NR2C2: variants seen among roughly 807,000 people sequenced by gnomAD.
NR2C2 encodes nuclear receptor subfamily 2 group C member 2.
A neutral mutation model predicts 62.9 loss-of-function variants in NR2C2; 6 were observed. That is an observed-to-expected ratio of 0.10 (90% confidence interval 0.05 to 0.19). The LOEUF (loss-of-function observed/expected upper bound fraction) is 0.19, where lower values mean the gene tolerates loss of function less well. Among genes scored for constraint, NR2C2 ranks in the 10% least tolerant of loss-of-function variants. The probability of loss-of-function intolerance (pLI) is 1.00; values close to 1 mark genes in which losing one functional copy is unlikely to be tolerated. For missense variants in NR2C2, 479 were observed against 762.7 expected, an observed-to-expected ratio of 0.63 and a Z score of 4.38; for synonymous variants, 272 against 273.8, an observed-to-expected ratio of 0.99 and a Z score of 0.07.
chr3:14,949,825 A>G (rs1043629224), intron 1 of NR2C2, among the ~76,000 whole-genome samples: 5 of 152,202 alleles, frequency 3.3e-5, no homozygotes, highest in African/African-American at 7.2e-5. Flanking sequence ...GGAGTTGAAT[A>G]TAATTCTCTG....
intron 1 of NR2C2, among the ~76,000 whole-genome samples, chr3:14,988,985 A>T (rs1039431671): frequency 3.9e-5 from 6 of 152,094 alleles, no homozygotes; most frequent in African/African-American, 1.4e-4. Flanking sequence ...AAATATCCGT[A>T]ATACCTCTTT....
At chr3:14,958,915 G>T (rs1445113794) in intron 1 of NR2C2, among the ~76,000 whole-genome samples, 1 of 152,244 alleles carries the variant, frequency 6.6e-6, no homozygotes, top group Non-Finnish European at 1.5e-5. Context: ...GTCGGAGGTT[G>T]CAGTGAGCCG....
chr3:14,997,340 A>G (rs1442792311), intron 1 of NR2C2, among the ~76,000 whole-genome samples: 2 of 152,252 alleles, frequency 1.3e-5, no homozygotes, highest in African/African-American at 4.8e-5. Context: ...ACCTAATGAC[A>G]CATTTCTCAG....
intron 1 of NR2C2, among the ~76,000 whole-genome samples, chr3:14,953,181 G>A (rs1388874457): frequency 1.3e-5 from 2 of 152,162 alleles, no homozygotes. Context: ...AGGCAAGTGT[G>A]ATTTTTTAGG....
rs534412212 is a variant in NR2C2, at chr3:15,031,917, C to T, written c.1111-462C>T. 5.3e-5 allele frequency among the ~76,000 whole-genome samples: 8 copies of T among 152,078 alleles called. No homozygotes were observed. The East Asian group carries it at 1.6e-3, about 29-fold the overall frequency. On this transcript the variant is annotated intron_variant, in intron 9 of 13. Coordinates refer to ENST00000425241, the MANE Select transcript of NR2C2 (RefSeq NM_001291694.2). ...CTAATTTTTGTATTTTTAATAGAGACAGGGTTTCATTATGTTGCCCAGGCT... is the reference window on the plus strand; with the variant it reads ...CTAATTTTTGTATTTTTAATAGAGATAGGGTTTCATTATGTTGCCCAGGCT...
At chr3:15,006,262 A>G (rs2041169238) in intron 2 of NR2C2, among the ~76,000 whole-genome samples, 2 of 152,200 alleles carry the variant, frequency 1.3e-5, no homozygotes, top group Non-Finnish European at 2.9e-5. Context: ...ATACTTAAGT[A>G]AAAGATTTAT....
chr3:15,034,681 A>C lies in NR2C2; in HGVS notation c.1244A>C (p.Asn415Thr). ...PAFQALGQDC[N>T]TSLVRACWNE... is the part of the protein sequence containing the mutation. ...TTCTATATTCCTAGGCAGGACTGCA[A>C]CACCAGCCTTGTGCGGGCCTGCTGG... is the stretch of plus-strand genomic sequence containing the variant. The change falls in exon 11 of 14, where the codon AAC (asparagine) becomes ACC (threonine). Residue 415 changes from asparagine (N) to threonine (T), a missense_variant. Physicochemically the swap from Asn to Thr is moderately conservative, Grantham distance 65. This residue lies in a region of NR2C2 where 162 missense variants were observed against 296.8 expected (regional missense o/e 0.55). Transcript: ENST00000425241. 6.2e-7 allele frequency: 1 copy of C among 1,614,084 alleles called. No homozygotes were observed. Among genetic ancestry groups the C allele is most frequent in the Non-Finnish European group, 8.5e-7 (1 of 1,180,002 alleles).
chr3:15,040,195 T>C (rs1366980736), intron 13 of NR2C2, among the ~76,000 whole-genome samples: 1 of 151,992 alleles, frequency 6.6e-6, no homozygotes, highest in Non-Finnish European at 1.5e-5. Flanking sequence ...AAAAAACCCT[T>C]TCTCGTGCAG....
At chr3:14,981,342 G>A (rs1233005409) in intron 1 of NR2C2, among the ~76,000 whole-genome samples, 19 of 152,152 alleles carry the variant, frequency 1.2e-4, no homozygotes, top group South Asian at 4.1e-4. Flanking sequence ...GGTGCCTCAC[G>A]CCTGTAATCC....
chr3:14,982,003 A>G (rs2040383799), intron 1 of NR2C2, among the ~76,000 whole-genome samples: 2 of 152,136 alleles, frequency 1.3e-5, no homozygotes, highest in African/African-American at 4.8e-5. Flanking sequence ...ACTGACTCAA[A>G]TGTTAATCTC....
At position 15,039,098 on chromosome 3, in the gene NR2C2, G is replaced by C. The variant is rs41284021; in HGVS notation, c.1511-24G>C. 5.7e-4 allele frequency: 883 copies of C among 1,558,400 alleles called. 3 individuals are homozygous for C. Among genetic ancestry groups the C allele is most frequent in the Middle Eastern group, 8.4e-4 (5 of 5,954 alleles). The stretch of plus-strand genomic sequence containing the variant: ...ACTTTTCAAATACAGAGGGAACTGG[G>C]GGGGGGTACTTTTCTGTTTTCAGAT... On this transcript the variant is annotated intron_variant, in intron 12 of 13. Transcript: ENST00000425241.
intron 1 of NR2C2, among the ~76,000 whole-genome samples, chr3:14,999,476 G>A (rs1331031446): frequency 1.3e-5 from 2 of 152,080 alleles, no homozygotes; most frequent in Non-Finnish European, 2.9e-5. Context: ...AGGCAACAGA[G>A]TAAGAGATCT....
At chr3:15,014,637 A>C (rs978674342) in intron 3 of NR2C2, among the ~76,000 whole-genome samples, 7 of 152,118 alleles carry the variant, frequency 4.6e-5, no homozygotes, top group African/African-American at 1.7e-4. Flanking sequence ...TACTCATTGA[A>C]TAGTAACTCT....
chr3:15,026,239 C>T (rs974183130), intron 7 of NR2C2: 2 of 152,212 alleles, frequency 1.3e-5, no homozygotes, highest in African/African-American at 4.8e-5. Flanking sequence ...CCAGTCTGGT[C>T]TTGAACTCCT....
intron 4 of NR2C2, among the ~76,000 whole-genome samples, chr3:15,018,370 A>G (rs1437339743): frequency 2.0e-5 from 3 of 152,260 alleles, no homozygotes; most frequent in Non-Finnish European, 4.4e-5. Flanking sequence ...ACAAAGGGTT[A>G]CTACCCAGAA....
At chr3:15,035,320 C>T (rs1026074176) in intron 11 of NR2C2, among the ~76,000 whole-genome samples, 2 of 152,162 alleles carry the variant, frequency 1.3e-5, no homozygotes, top group Non-Finnish European at 2.9e-5. Flanking sequence ...GGAGGCTTAT[C>T]AGTCAGAATA....
At chr3:15,015,618 T>TGGAAACCAGCGCCTGACCCTG (rs1463475141) in intron 3 of NR2C2, among the ~76,000 whole-genome samples, 1 of 152,148 alleles carries the variant, frequency 6.6e-6, no homozygotes, top group Admixed American at 6.5e-5. Flanking sequence ...AGTAGATCAG[T>TGGAAACCAGCGCCTGACCCTG]GGAAACCAGC....
intron 4 of NR2C2, 123 bp from the exon 5 acceptor site, chr3:15,020,630 G>T: frequency 9.5e-7 from 1 of 1,047,806 alleles, no homozygotes; most frequent in Non-Finnish European, 1.4e-6. Context: ...GTGGCTGTTG[G>T]CATCTAACAG....
rs200379124 is a variant in NR2C2, at chr3:15,043,020, C to T, written c.*12C>T. The T allele has an allele frequency of 4.7e-4, 755 of 1,610,826 alleles. 1 individual carries two copies. Among genetic ancestry groups the T allele is most frequent in the South Asian group, 1.4e-3 (130 of 90,768 alleles). ...GAGCCAGTCTATAGCGCAAACCACA[C>T]ACCTGCCAAGGAGCAACAGAATCCT... On this transcript the variant is annotated 3_prime_UTR_variant, in exon 14 of 14. Coordinates refer to ENST00000425241, the MANE Select transcript of NR2C2 (RefSeq NM_001291694.2).
Sources: gnomAD v4.1 joint callset for allele counts (sites outside exome capture counted in the v4.1 genomes callset) on GRCh38, gnomAD v4.1.1 for gene constraint, gnomAD v4.1.1 regional missense constraint, MANE v1.5 for transcripts, NCBI Gene and HGNC (gene_info 2026-07-23, HGNC 2026-07-21) for gene names.